Variants in OR10D3 observed in about 807,000 individuals in gnomAD.
The protein encoded by OR10D3 is olfactory receptor 10D3.
For synonymous variants in OR10D3, 100 were observed against 57.6 expected (o/e 1.74, Z -3.33); for missense variants, 286 against 153.7 (o/e 1.86, Z -4.55).
At chr11:124,186,055 C>T (rs769777706) in exon 2 of OR10D3, 2 of 703,438 alleles carry the variant, frequency 2.8e-6, no homozygotes, top group Middle Eastern at 2.3e-4. Flanking sequence ...ACCTGCAGCC[C>T]ACACCCAACC....
exon 2 of OR10D3, chr11:124,188,215 G>C (rs1861246611): frequency 6.6e-6 from 1 of 152,368 alleles, no homozygotes; most frequent in African/African-American, 2.4e-5. Flanking sequence ...CATACGAAGA[G>C]GGACACAGCA....
At chr11:124,185,624 G>A (rs1861213526) in exon 2 of OR10D3, 2 of 703,388 alleles carry the variant, frequency 2.8e-6, no homozygotes, top group South Asian at 3.0e-5. Flanking sequence ...TACGGTGATG[G>A]CCTATGACCG....
exon 2 of OR10D3, chr11:124,185,480 A>C (rs1169003013): frequency 1.4e-5 from 10 of 703,002 alleles, no homozygotes; most frequent in Non-Finnish European, 2.3e-5. Context: ...TGTGTTTGAC[A>C]TGGGTTTCTC....
chr11:124,185,997 C>T lies in OR10D3; in HGVS notation c.728C>T (p.Ala243Val), dbSNP rs1861220881. 5.7e-6 allele frequency: 4 copies of T among 703,358 alleles called. No individual in the cohort carries two copies. In the South Asian group the frequency reaches 5.9e-5, roughly 10 times the overall value. The allele number at this position is 703,358 out of a possible 1,614,324, so 43.6% of individuals were successfully genotyped here. Residue 243 changes from alanine to valine, a missense_variant, in exon 2 of 2, where the codon GCT becomes GTT. Transcript: ENST00000641351. The stretch of plus-strand genomic sequence containing the variant: ...CGCCGTGCCTTCTCCACCTGCAGTG[C>T]TCACCTCATTGCCATCCTCTGTGCC...
chr11:124,184,225 T>A (rs1359222455), intron 1 of OR10D3: 1 of 152,222 alleles, frequency 6.6e-6, no homozygotes, highest in East Asian at 1.9e-4. Flanking sequence ...GAAATTACTA[T>A]CTGATAGTAC....
exon 2 of OR10D3, chr11:124,186,319 C>A: frequency 1.6e-6 from 1 of 608,632 alleles, no homozygotes; most frequent in Non-Finnish European, 2.9e-6. Context: ...CAGCACTGTG[C>A]TGAATGATAT....
rs1019565812 is a variant in OR10D3, at chr11:124,185,231, T to C, written c.-11-28T>C. The C allele has an allele frequency of 8.9e-5, 60 of 672,312 alleles. 1 individual carries two copies. 41.6% of individuals were successfully genotyped at this position (672,312 alleles called of 1,614,324 possible). ...GACAGCAAGCCAAGGCATTCTTCCA[T>C]GTCCTCAGCCTCCTCTTTCCTTCCT... On this transcript the variant is annotated intron_variant, in intron 1 of 1. Transcript: ENST00000641351.
chr11:124,184,587 C>T (rs190818089), intron 1 of OR10D3, among the ~76,000 whole-genome samples: 177 of 152,122 alleles, frequency 1.2e-3, no homozygotes, highest in Non-Finnish European at 2.2e-3. Flanking sequence ...GGGGGAAAGA[C>T]TGATGTTTAA....
intron 1 of OR10D3, among the ~76,000 whole-genome samples, chr11:124,183,853 G>C (rs745354686): frequency 6.6e-6 from 1 of 152,052 alleles, no homozygotes; most frequent in Admixed American, 6.6e-5. Context: ...TATTTGCTTG[G>C]TTTATCTTTG....
intron 1 of OR10D3, 128 bp from the exon 2 acceptor site, chr11:124,185,131 G>A: frequency 1.7e-6 from 1 of 593,880 alleles, no homozygotes; most frequent in Non-Finnish European, 3.0e-6. Flanking sequence ...ATCACAAGCA[G>A]CCTTTCCATA....
At chr11:124,187,170 T>C (rs993957327) in exon 2 of OR10D3, 1 of 152,224 alleles carries the variant, frequency 6.6e-6, no homozygotes, top group South Asian at 2.1e-4. Flanking sequence ...ACCCATAACT[T>C]TAAAGGTGTT....
chr11:124,188,523 C>A (rs918763749), exon 2 of OR10D3: 12 of 152,230 alleles, frequency 7.9e-5, no homozygotes, highest in Admixed American at 5.9e-4. Context: ...TTACTGATTT[C>A]TCACCCGATC....
At chr11:124,188,486 T>C (rs1861249292) in exon 2 of OR10D3, 1 of 152,218 alleles carries the variant, frequency 6.6e-6, no homozygotes, top group South Asian at 2.1e-4. Flanking sequence ...TCCTGACCAA[T>C]GTAAGGAGAT....
At chr11:124,185,826 C>A in exon 2 of OR10D3, 1 of 703,620 alleles carries the variant, frequency 1.4e-6, no homozygotes, top group East Asian at 2.7e-5. Flanking sequence ...GCACTGTTGC[C>A]CTTGGCCTGT....
exon 2 of OR10D3, chr11:124,186,467 T>G: frequency 3.7e-6 from 1 of 271,958 alleles, no homozygotes; most frequent in Non-Finnish European, 6.8e-6. Flanking sequence ...GAGAATTGCC[T>G]GTCCCTGGAA....
chr11:124,186,464 G>T (rs1033359694), exon 2 of OR10D3: 9 of 278,328 alleles, frequency 3.2e-5, no homozygotes, highest in Non-Finnish European at 3.9e-5. Flanking sequence ...ATAGAGAATT[G>T]CCTGTCCCTG....
At chr11:124,188,719 G>A (rs1392147703) in exon 2 of OR10D3, 1 of 152,164 alleles carries the variant, frequency 6.6e-6, no homozygotes, top group East Asian at 1.9e-4. Context: ...GGTTTCAGAT[G>A]TAACTCAACA....
rs1861227334 is a variant in OR10D3 at position 124,186,484 on chromosome 11, T to TC, written c.*277dup. On this transcript the variant is annotated 3_prime_UTR_variant, in exon 2 of 2. Transcript: ENST00000641351. Reference sequence around the variant, plus strand: ...GAATTGCCTGTCCCTGGAAGGAAGATCTTTTCCATCCTGCCATTTTTTTTT... The same window carrying TC: ...GAATTGCCTGTCCCTGGAAGGAAGATCCTTTTCCATCCTGCCATTTTTTTTT... 2.4e-5 allele frequency: 6 copies of TC among 252,620 alleles called. No individual in the cohort carries two copies. The Admixed American group carries it at 3.1e-4, about 13-fold the overall frequency. 15.6% of individuals were successfully genotyped at this position (252,620 alleles called of 1,614,324 possible).
In OR10D3 at chr11:124,184,520, A is replaced by G. The variant is rs1205012837; in HGVS notation, c.-11-739A>G. ...TGAAAAACATGGTTAATACCGGGGT[A>G]AGATTTGACAAGGCCAGTAATGCCG... On this transcript the variant is annotated intron_variant, in intron 1 of 1. Coordinates refer to ENST00000641351, the Ensembl canonical transcript of OR10D3. Among the ~76,000 whole-genome samples the G allele has an allele frequency of 7.2e-5, 11 of 152,178 alleles. No homozygotes were observed. In the East Asian group the frequency reaches 2.1e-3, roughly 29 times the overall value.
Sources: allele counts gnomAD v4.1 joint callset (sites outside exome capture counted in the v4.1 genomes callset), GRCh38; gene constraint gnomAD v4.1.1; transcripts MANE v1.5; gene names NCBI Gene and HGNC (gene_info 2026-07-23, HGNC 2026-07-21).